Variants in CEP76 observed in about 807,000 individuals in gnomAD.
The protein encoded by CEP76 is centrosomal protein 76, also known as centrosomal protein of 76 kDa.
CEP76 carries 55 observed loss-of-function variants against 83.3 expected under a neutral mutation model. The ratio of observed to expected loss-of-function variants is 0.66; its 90% CI spans 0.53 to 0.83. CEP76 has a LOEUF of 0.83. Ranked by LOEUF, CEP76 falls within the 40% of genes least tolerant of loss-of-function variation. The pLI is 0.00. For missense variants in CEP76, 694 were observed against 799.5 expected, an observed-to-expected ratio of 0.87 and a Z score of 1.59; for synonymous variants, 270 against 274.5, an observed-to-expected ratio of 0.98 and a Z score of 0.16.
intron 9 of CEP76, 128 bp downstream of exon 9, chr18:12,680,534 T>C (rs2039307288): frequency 1.8e-6 from 1 of 559,816 alleles, no homozygotes; most frequent in Non-Finnish European, 2.9e-6. Context: ...GAGGTGGAGG[T>C]TGCAGTGAGC....
At chr18:12,690,233 C>T (rs186166281) in intron 7 of CEP76, among the ~76,000 whole-genome samples, 1 of 152,336 alleles carries the variant, frequency 6.6e-6, no homozygotes, top group Admixed American at 6.5e-5. Flanking sequence ...GTCAACCTCT[C>T]ATTCCCAAGC....
At chr18:12,666,679 A>G (rs1945442313) in intron 12 of CEP76, among the ~76,000 whole-genome samples, 1 of 149,806 alleles carries the variant, frequency 6.7e-6, no homozygotes. Flanking sequence ...CGAACTCCTC[A>G]CTCAATTGAT....
At chr18:12,686,521 T>A in intron 7 of CEP76, 71 bp from the exon 8 acceptor site, 1 of 1,093,802 alleles carries the variant, frequency 9.1e-7, no homozygotes, top group Non-Finnish European at 1.3e-6. Flanking sequence ...TCAAATACAT[T>A]AATGTAGGAT....
chr18:12,667,847 CCTTTT>C (rs2038836562), downstream of CEP76, among the ~76,000 whole-genome samples: 2 of 122,492 alleles, frequency 1.6e-5, no homozygotes, highest in African/African-American at 5.9e-5. Context: ...GCTTTCTGAT[CCTTTT>C]TTTTTTTTTT....
chr18:12,678,690 C>T (rs754883471), intron 9 of CEP76, among the ~76,000 whole-genome samples: 14 of 152,030 alleles, frequency 9.2e-5, no homozygotes, highest in Admixed American at 5.9e-4. Flanking sequence ...GATCAAAGGC[C>T]GGATGCGGTA....
chr18:12,687,454 AT>A (rs1259960536), intron 7 of CEP76, among the ~76,000 whole-genome samples: 2,458 of 140,694 alleles, frequency 0.017, 11 homozygotes, highest in East Asian at 0.02. Flanking sequence ...GAAGGCATCA[AT>A]TTTTTTTTTT....
In CEP76 at chr18:12,700,966, A is replaced by C. The variant is rs2040130701; in HGVS notation, c.211T>G (p.Phe71Val). ...IIDDVMKELN[F>V]VTDSVEQELP... ...CCTAAAAGATTACTCACAGTAACAA[A>C]ATTAAGTTCTTTCATCACATCGTCA... is the stretch of plus-strand genomic sequence containing the variant. The change falls in exon 2 of 12, where the codon TTT becomes GTT. Residue 71 changes from phenylalanine to valine, a missense_variant. Transcript: ENST00000262127. 6.2e-7 allele frequency: 1 copy of C among 1,612,834 alleles called. No homozygotes were observed. The highest frequency in any genetic ancestry group is 1.7e-5 in the Admixed American group (1 of 59,854).
At chr18:12,671,776 G>T (rs943299318), downstream of CEP76, among the ~76,000 whole-genome samples, 1 of 151,442 alleles carries the variant, frequency 6.6e-6, no homozygotes, top group East Asian at 1.9e-4. Context: ...GAGTAGCTTG[G>T]ATTATGGGTG....
intron 12 of CEP76, chr18:12,662,243 C>G: frequency 2.3e-6 from 1 of 435,702 alleles, no homozygotes; most frequent in Non-Finnish European, 4.5e-6. Flanking sequence ...TTTTCATTGC[C>G]CACAATTGTA....
intron 11 of CEP76, among the ~76,000 whole-genome samples, chr18:12,674,290 A>G (rs907072180): frequency 5.3e-5 from 8 of 151,988 alleles, no homozygotes; most frequent in African/African-American, 1.9e-4. Context: ...AAAGATAAAA[A>G]AAATAGCCAG....
At chr18:12,678,084 C>A in intron 10 of CEP76, 25 bp downstream of exon 10, 1 of 1,563,782 alleles carries the variant, frequency 6.4e-7, no homozygotes, top group Non-Finnish European at 8.8e-7. Context: ...AAGTATGAAA[C>A]TACAACTATT....
intron 12 of CEP76, among the ~76,000 whole-genome samples, chr18:12,662,419 T>G (rs2038711581): frequency 6.6e-6 from 1 of 152,208 alleles, no homozygotes; most frequent in Non-Finnish European, 1.5e-5. Context: ...AATTCAGGCC[T>G]CCTGACCAGC....
Position 12,673,311 on chromosome 18 carries a change from C to A in CEP76, c.*54G>T. On this transcript the variant is annotated 3_prime_UTR_variant, in exon 12 of 12. Coordinates refer to ENST00000262127, the MANE Select transcript of CEP76 (RefSeq NM_024899.4). ...AACCTCTAAATAGCTAAGTAATGTA[C>A]AATGTGTAAAATTCCAATTAAACAC... 1.3e-6 allele frequency: 2 copies of A among 1,557,824 alleles called. No homozygotes were observed. Among genetic ancestry groups the A allele is most frequent in the Non-Finnish European group, 1.7e-6 (2 of 1,160,148 alleles).
chr18:12,666,368 A>G (rs927122724), intron 12 of CEP76, among the ~76,000 whole-genome samples: 2 of 151,564 alleles, frequency 1.3e-5, no homozygotes, highest in Non-Finnish European at 2.9e-5. Context: ...TTGCTAAGTA[A>G]TGGTCATTCT....
At chr18:12,662,967 G>A (rs879763992) in intron 12 of CEP76, among the ~76,000 whole-genome samples, 3 of 152,082 alleles carry the variant, frequency 2.0e-5, no homozygotes, top group Admixed American at 1.3e-4. Flanking sequence ...ATGACGTTCT[G>A]ATCTGAATAT....
At chr18:12,679,556 A>G (rs574514640) in intron 9 of CEP76, among the ~76,000 whole-genome samples, 7 of 152,138 alleles carry the variant, frequency 4.6e-5, no homozygotes, top group Non-Finnish European at 8.8e-5. Flanking sequence ...TTTCGTGGCC[A>G]TGTGACAAGG....
chr18:12,668,984 C>T (rs2031799486), downstream of CEP76, among the ~76,000 whole-genome samples: 1 of 149,266 alleles, frequency 6.7e-6, no homozygotes, highest in Admixed American at 6.7e-5. Context: ...AGGTGATCTG[C>T]CTGCCTCAGC....
chr18:12,692,753 G>A (rs2039813371), intron 6 of CEP76, among the ~76,000 whole-genome samples: 1 of 152,144 alleles, frequency 6.6e-6, no homozygotes, highest in African/African-American at 2.4e-5. Flanking sequence ...CCTATACACA[G>A]CTACATCTCC....
chr18:12,700,257 T>C (rs1032135987), intron 2 of CEP76: 1 of 163,456 alleles, frequency 6.1e-6, no homozygotes, highest in Admixed American at 6.4e-5. Flanking sequence ...TAATAAAGTG[T>C]CATCACAGAG....
Sources: allele counts gnomAD v4.1 joint callset (sites outside exome capture counted in the v4.1 genomes callset), GRCh38; gene constraint gnomAD v4.1.1; transcripts MANE v1.5; gene names NCBI Gene and HGNC (gene_info 2026-07-23, HGNC 2026-07-21).